The following ZC3HAV1 variants were observed in gnomAD, a reference collection of about 807,000 sequenced individuals.
ZC3HAV1 encodes zinc finger CCCH-type antiviral protein 1.
ZC3HAV1 carries 41 observed loss-of-function variants against 86.6 expected under a neutral mutation model. The ratio of observed to expected loss-of-function variants is 0.47; its 90% CI spans 0.37 to 0.61. ZC3HAV1 has a LOEUF of 0.61. Among genes scored for constraint, ZC3HAV1 ranks in the 20% least tolerant of loss-of-function variants. The pLI, the probability that ZC3HAV1 is intolerant of heterozygous loss-of-function variation, is 0.00. For missense variants in ZC3HAV1, 964 were observed against 1,141.1 expected (o/e 0.84, Z 2.24); for synonymous variants, 421 against 432.1 (o/e 0.97, Z 0.32).
chr7:139,099,913 C>CA (rs1184577696), intron 1 of ZC3HAV1, among the ~76,000 whole-genome samples: 2 of 112,540 alleles, frequency 1.8e-5, no homozygotes, highest in Non-Finnish European at 3.8e-5. Context: ...GGTGACAGAA[C>CA]AAAAAATAAA....
At chr7:139,056,436 A>G (rs1816287964) in intron 9 of ZC3HAV1, among the ~76,000 whole-genome samples, 1 of 123,940 alleles carries the variant, frequency 8.1e-6, no homozygotes, top group Non-Finnish European at 1.6e-5. Context: ...TTTTTGAGAC[A>G]GTCTCACTCT....
chr7:139,101,468 T>G (rs9692464), intron 1 of ZC3HAV1, among the ~76,000 whole-genome samples: 3 of 16,708 alleles, frequency 1.8e-4, no homozygotes, highest in Non-Finnish European at 3.8e-4. Context: ...CCGTCTGGGA[T>G]GTGAGGAGCG....
chr7:139,050,776 G>A (rs544241283), intron 12 of ZC3HAV1, among the ~76,000 whole-genome samples: 1 of 152,168 alleles, frequency 6.6e-6, no homozygotes, highest in African/African-American at 2.4e-5. Context: ...ACTTAAGATG[G>A]TTACTACATT....
At chr7:139,060,393 T>C (rs1015419157) in intron 9 of ZC3HAV1, 20 of 987,172 alleles carry the variant, frequency 2.0e-5, no homozygotes, top group Non-Finnish European at 2.4e-5. Context: ...TTACAATGAA[T>C]CCCCCACAGC....
chr7:139,087,389 GAGAGAGAGAGACAGAGGGACAGAGAC>G (rs1417147336), intron 2 of ZC3HAV1, among the ~76,000 whole-genome samples: 1 of 151,618 alleles, frequency 6.6e-6, no homozygotes, highest in Non-Finnish European at 1.5e-5. Flanking sequence ...AAGAGGGAGA[GAGAGAGAGAGACAGAGGGACAGAGAC>G]AGAGAGAGAG....
At chr7:139,053,668 C>G in intron 11 of ZC3HAV1, 87 bp from the exon 12 acceptor site, 2 of 1,463,944 alleles carry the variant, frequency 1.4e-6, no homozygotes, top group Non-Finnish European at 1.8e-6. Context: ...GTCTAATCAT[C>G]TAAAAATTTC....
intron 10 of ZC3HAV1, among the ~76,000 whole-genome samples, chr7:139,054,532 T>A (rs931479417): frequency 3.3e-5 from 5 of 152,236 alleles, no homozygotes; most frequent in Non-Finnish European, 4.4e-5. Flanking sequence ...TTGACTCCCA[T>A]AGAAACTTGT....
chr7:139,081,816 A>G (rs1265565327), intron 3 of ZC3HAV1, among the ~76,000 whole-genome samples: 1 of 152,212 alleles, frequency 6.6e-6, no homozygotes, highest in African/African-American at 2.4e-5. Context: ...ATGATAAACC[A>G]TTTCCCAAAT....
At position 139,053,442 on chromosome 7, in the gene ZC3HAV1, G is replaced by A. The variant is rs376821411; in HGVS notation, c.2449+9C>T. The A allele has an allele frequency of 1.7e-5, 27 of 1,571,600 alleles. No homozygotes were observed. The highest frequency in any genetic ancestry group is 1.7e-4 in the Middle Eastern group (1 of 5,882). On this transcript the variant is annotated intron_variant, in intron 12 of 12. Coordinates refer to ENST00000242351, the MANE Select transcript of ZC3HAV1 (RefSeq NM_020119.4). ...TCTACTAGTTACGCTTCTCTATCCC[G>A]GCACTAACCTTTTCCGTATTTGTTT...
At chr7:139,054,795 C>T (rs759301301) in intron 10 of ZC3HAV1, among the ~76,000 whole-genome samples, 10 of 152,102 alleles carry the variant, frequency 6.6e-5, no homozygotes, top group Non-Finnish European at 1.2e-4. Flanking sequence ...TTTTTGGAGA[C>T]AGAGTCTCAC....
Position 139,083,760 on chromosome 7 carries a change from GA to G in ZC3HAV1, c.697+19del, listed in dbSNP as rs775237321. On this transcript the variant is annotated intron_variant, in intron 3 of 12. Coordinates refer to ENST00000242351, the MANE Select transcript of ZC3HAV1 (RefSeq NM_020119.4). ...AAAAAAAAAAAGAGTTCACACAATT[GA>G]AAAAGAAAAGGCCTTTACCTCTGGG... 10 of 1,488,436 alleles carry G rather than the reference GA, an allele frequency of 6.7e-6. No individual in the cohort carries two copies. In the South Asian group the frequency reaches 1.2e-4, roughly 18 times the overall value. 92.2% of individuals were successfully genotyped at this position (1,488,436 alleles called of 1,614,324 possible).
At chr7:139,086,999 C>T (rs996567715) in intron 2 of ZC3HAV1, among the ~76,000 whole-genome samples, 10 of 152,180 alleles carry the variant, frequency 6.6e-5, no homozygotes, top group South Asian at 4.1e-4. Flanking sequence ...GAAGACTGTC[C>T]TTATTCTCCA....
chr7:139,094,497 T>TAAAAA (rs34388465), intron 1 of ZC3HAV1, among the ~76,000 whole-genome samples: 21 of 129,534 alleles, frequency 1.6e-4, no homozygotes, highest in African/African-American at 4.4e-4. Flanking sequence ...GGTGATAACT[T>TAAAAA]AAAAAAAAAA....
At chr7:139,061,211 C>T (rs997567872) in intron 8 of ZC3HAV1, 73 bp from the exon 9 acceptor site, 2 of 1,445,010 alleles carry the variant, frequency 1.4e-6, no homozygotes, top group Admixed American at 3.7e-5. Flanking sequence ...TGTTATTTTG[C>T]AGAGGCTATT....
At chr7:139,055,714 C>T (rs953425825) in intron 9 of ZC3HAV1, among the ~76,000 whole-genome samples, 2 of 152,072 alleles carry the variant, frequency 1.3e-5, no homozygotes, top group African/African-American at 4.8e-5. Flanking sequence ...TCAGGGTAAC[C>T]ATACCTGAGA....
rs762969664 is a variant in ZC3HAV1 at position 139,074,021 on chromosome 7, T to C, written c.1707A>G (p.Val569=). 6.2e-7 allele frequency: 1 copy of C among 1,612,098 alleles called. No individual in the cohort carries two copies. Among genetic ancestry groups the C allele is most frequent in the Admixed American group, 1.7e-5 (1 of 59,918 alleles). The change falls in exon 7 of 13, where the codon GTA becomes GTG. Residue 569 remains valine (V), a synonymous_variant. Coordinates refer to ENST00000242351, the MANE Select transcript of ZC3HAV1 (RefSeq NM_020119.4). ...YCNPGIHLCS[V]GSYTINFRVM... Reference sequence around the variant, plus strand: ...CCCGAAAATTGATTGTATAACTTCCTACAGAACAGCTGAGAGAGAAAAGTA... The same window carrying C: ...CCCGAAAATTGATTGTATAACTTCCCACAGAACAGCTGAGAGAGAAAAGTA...
At chr7:139,058,548 G>A (rs1816356229) in intron 9 of ZC3HAV1, among the ~76,000 whole-genome samples, 2 of 152,096 alleles carry the variant, frequency 1.3e-5, no homozygotes, top group African/African-American at 2.4e-5. Flanking sequence ...GGAAGGTTGT[G>A]CTAGAGACAT....
At chr7:139,079,107 G>A in intron 4 of ZC3HAV1, 1 of 1,536,040 alleles carries the variant, frequency 6.5e-7, no homozygotes, top group Non-Finnish European at 8.7e-7. Context: ...GACTTACACT[G>A]AGCAGAGCCT....
intron 7 of ZC3HAV1, among the ~76,000 whole-genome samples, chr7:139,068,615 G>C (rs918964481): frequency 6.6e-6 from 1 of 152,104 alleles, no homozygotes; most frequent in Non-Finnish European, 1.5e-5. Flanking sequence ...TGAAATTGCC[G>C]CATGTGGCAA....
Sources: gnomAD v4.1 joint callset for allele counts (sites outside exome capture counted in the v4.1 genomes callset) on GRCh38, gnomAD v4.1.1 for gene constraint, MANE v1.5 for transcripts, NCBI Gene and HGNC (gene_info 2026-07-23, HGNC 2026-07-21) for gene names.